JAML: variants seen among roughly 807,000 people sequenced by gnomAD.
The protein encoded by JAML is junctional adhesion molecule-like.
JAML carries 25 observed loss-of-function variants against 39.3 expected under a neutral mutation model. The observed-to-expected ratio is 0.64, with a 90% confidence interval of 0.46 to 0.89. The LOEUF (loss-of-function observed/expected upper bound fraction) is 0.89, where lower values mean the gene tolerates loss of function less well. Among genes scored for constraint, JAML ranks in the 40% least tolerant of loss-of-function variants. The pLI is 0.00. For missense variants in JAML, 440 were observed against 486.9 expected (o/e 0.90, Z 0.91); for synonymous variants, 162 against 179.2 (o/e 0.90, Z 0.77).
intron 3 of JAML, among the ~76,000 whole-genome samples, chr11:118,212,014 A>T (rs1258011892): frequency 8.7e-6 from 1 of 114,432 alleles, no homozygotes; most frequent in African/African-American, 2.6e-5. Context: ...CTCGGAATTT[A>T]CCCCTCTCAC....
chr11:118,215,681 C>A (rs991398514), intron 1 of JAML, among the ~76,000 whole-genome samples: 6 of 151,406 alleles, frequency 4.0e-5, no homozygotes, highest in Non-Finnish European at 8.8e-5. Flanking sequence ...TTCTTTTTAA[C>A]TTTTTAAAGG....
intron 6 of JAML, chr11:118,200,881 T>C (rs1052724948): frequency 4.0e-5 from 13 of 325,422 alleles, no homozygotes; most frequent in Non-Finnish European, 7.4e-5. Context: ...CATCAACAAT[T>C]CTATTCTAAA....
chr11:118,214,941 T>TA, intron 1 of JAML, 55 bp from the exon 2 acceptor site: 2 of 1,523,390 alleles, frequency 1.3e-6, no homozygotes, highest in African/African-American at 1.4e-5. Flanking sequence ...CTCATTAATT[T>TA]AAAAAACCAA....
At chr11:118,217,101 TGTCTGCCACCAACTCAA>T (rs1949153199) in intron 1 of JAML, among the ~76,000 whole-genome samples, 1 of 152,248 alleles carries the variant, frequency 6.6e-6, no homozygotes, top group Non-Finnish European at 1.5e-5. Flanking sequence ...CTAATTTATA[TGTCTGCCACCAACTCAA>T]GTCTGCAGAC....
At chr11:118,213,024 A>G in intron 2 of JAML, 2 of 1,610,192 alleles carry the variant, frequency 1.2e-6, no homozygotes, top group South Asian at 1.1e-5. Flanking sequence ...GTTCCTTTAC[A>G]AAAGCATTTG....
chr11:118,200,578 G>C lies in JAML; in HGVS notation c.807C>G (p.Val269=), dbSNP rs546553577. 2 of 1,614,134 alleles carry C rather than the reference G, an allele frequency of 1.2e-6. No homozygotes were observed. Among genetic ancestry groups the C allele is most frequent in the East Asian group, 2.2e-5 (1 of 44,880 alleles). ...TGATCACCAACTGATTACCACCCAA[G>C]ACCAGAGGCCTCAGGGCTGCCGGGG... is the stretch of plus-strand genomic sequence containing the variant. ...LVTPAALRPL[V]LGGNQLVIIV... Residue 269 remains valine, a synonymous_variant, in exon 7 of 10, where the codon GTC becomes GTG. Transcript: ENST00000356289.
intron 2 of JAML, chr11:118,213,133 C>T (rs1949094359): frequency 1.4e-6 from 2 of 1,423,912 alleles, no homozygotes; most frequent in Non-Finnish European, 1.8e-6. Flanking sequence ...CTCCCTGCCT[C>T]ACCCCTCCAG....
chr11:118,217,808 G>A (rs187761022), intron 1 of JAML, among the ~76,000 whole-genome samples: 90 of 152,316 alleles, frequency 5.9e-4, no homozygotes, highest in Admixed American at 3.3e-3. Flanking sequence ...GTGGCAGAGC[G>A]AGGATTCAAA....
chr11:118,218,872 T>G (rs184372756), intron 1 of JAML, among the ~76,000 whole-genome samples: 4 of 152,314 alleles, frequency 2.6e-5, no homozygotes, highest in African/African-American at 7.2e-5. Flanking sequence ...ACCATTGACA[T>G]TCACAACTTC....
chr11:118,209,605 C>T (rs939001411), intron 4 of JAML, among the ~76,000 whole-genome samples: 3 of 152,028 alleles, frequency 2.0e-5, no homozygotes, highest in Non-Finnish European at 4.4e-5. Flanking sequence ...ACTGCAACCT[C>T]CACCTCCTGG....
Position 118,214,863 on chromosome 11 carries a change from A to C in JAML, c.4T>G (p.Phe2Val). The C allele has an allele frequency of 6.2e-7, 1 of 1,614,108 alleles. No individual in the cohort carries two copies. Among genetic ancestry groups the C allele is most frequent in the Non-Finnish European group, 8.5e-7 (1 of 1,180,004 alleles). M[F>V]CPLKLILLPV... ...AGCAGGATGAGTTTCAGTGGGCAAAACATGCTGCTCTCAACTTTCAAATCT... is the reference window on the plus strand; with the variant it reads ...AGCAGGATGAGTTTCAGTGGGCAAACCATGCTGCTCTCAACTTTCAAATCT... Residue 2 changes from phenylalanine to valine, a missense_variant, in exon 2 of 10, where the codon TTT (phenylalanine) becomes GTT (valine). Phe to Val is a conservative substitution (Grantham distance 50). Transcript: ENST00000356289.
chr11:118,214,202 C>A (rs1949110519), intron 2 of JAML, among the ~76,000 whole-genome samples: 1 of 152,110 alleles, frequency 6.6e-6, no homozygotes. Context: ...TGGAGATGAG[C>A]AACGAGAAGC....
chr11:118,213,473 A>C, intron 2 of JAML: 5 of 258,790 alleles, frequency 1.9e-5, no homozygotes, highest in Non-Finnish European at 3.0e-5. Flanking sequence ...ACAAAAGAAA[A>C]CATCGACTCT....
At chr11:118,198,215 A>C in intron 7 of JAML, 124 bp from the exon 8 acceptor site, 1 of 780,440 alleles carries the variant, frequency 1.3e-6, no homozygotes, top group South Asian at 1.6e-5. Context: ...TTCTCTCTGG[A>C]CTCCTACAGC....
intron 1 of JAML, among the ~76,000 whole-genome samples, chr11:118,215,389 G>A (rs1157717344): frequency 6.6e-6 from 1 of 152,138 alleles, no homozygotes; most frequent in African/African-American, 2.4e-5. Flanking sequence ...GGTTGGGGGA[G>A]GGAACAGATT....
chr11:118,198,690 A>AAAC (rs1948713774), intron 7 of JAML, among the ~76,000 whole-genome samples: 1 of 152,080 alleles, frequency 6.6e-6, no homozygotes, highest in African/African-American at 2.4e-5. Context: ...AAAAAAAAAA[A>AAAC]AATTCAAGGT....
At chr11:118,204,181 C>T (rs1948870828) in intron 5 of JAML, 1 of 170,132 alleles carries the variant, frequency 5.9e-6, no homozygotes, top group Non-Finnish European at 1.3e-5. Context: ...AATCCTATCA[C>T]CTCTACCTTC....
At chr11:118,205,005 A>G (rs1316679669) in intron 5 of JAML, 1 of 151,992 alleles carries the variant, frequency 6.6e-6, no homozygotes, top group African/African-American at 2.4e-5. Context: ...TTCTCATCCT[A>G]TTTTCTCCTG....
chr11:118,212,651 C>A (rs192197964), intron 2 of JAML, 90 bp from the exon 3 acceptor site: 1 of 1,538,350 alleles, frequency 6.5e-7, no homozygotes, highest in Non-Finnish European at 8.8e-7. Flanking sequence ...CTAAACACCC[C>A]TCTCCCTGGA....
Sources: gnomAD v4.1 joint callset for allele counts (sites outside exome capture counted in the v4.1 genomes callset) on GRCh38, gnomAD v4.1.1 for gene constraint, MANE v1.5 for transcripts, NCBI Gene and HGNC (gene_info 2026-07-23, HGNC 2026-07-21) for gene names.